The following ACSS3 variants were observed in gnomAD, a reference collection of about 807,000 sequenced individuals.
The protein encoded by ACSS3 is acyl-CoA synthetase short chain family member 3.
ACSS3 carries 64 observed loss-of-function variants against 84.2 expected under a neutral mutation model. The ratio of observed to expected loss-of-function variants is 0.76; its 90% CI spans 0.62 to 0.94. The LOEUF (loss-of-function observed/expected upper bound fraction) is 0.94, where lower values mean the gene tolerates loss of function less well. Among genes scored for constraint, ACSS3 ranks in the 40% least tolerant of loss-of-function variants. ACSS3 has a pLI of 0.00. For synonymous variants in ACSS3, 317 were observed against 310.1 expected (o/e 1.02, Z -0.23); for missense variants, 815 against 867.6 (o/e 0.94, Z 0.76).
At position 81,151,874 on chromosome 12, in the gene ACSS3, G is replaced by A. The variant is rs778736574; in HGVS notation, c.952G>A (p.Val318Ile). The change falls in exon 6 of 16, where the codon GTC (valine) becomes ATC (isoleucine). Residue 318 changes from valine (V) to isoleucine (I), a missense_variant. Transcript: ENST00000548058. ...GATTAGGCCCACTGGGGGATACGCT[G>A]TCATGCTACACTGGTCAATGTCTTC... ...GVIRPTGGYA[V>I]MLHWSMSSIY... is the part of the protein sequence containing the mutation. 1.5e-5 allele frequency: 25 copies of A among 1,613,782 alleles called. No homozygotes were observed. The highest frequency in any genetic ancestry group is 2.0e-5 in the Non-Finnish European group (24 of 1,179,822).
intron 5 of ACSS3, among the ~76,000 whole-genome samples, chr12:81,143,878 A>G (rs1886204808): frequency 6.6e-6 from 1 of 152,208 alleles, no homozygotes; most frequent in African/African-American, 2.4e-5. Flanking sequence ...TTGATGCGTC[A>G]AATAGCAACA....
chr12:81,249,108 A>C (rs2034075386), intron 13 of ACSS3, among the ~76,000 whole-genome samples: 1 of 152,016 alleles, frequency 6.6e-6, no homozygotes, highest in Admixed American at 6.6e-5. Context: ...AGTGTTGATT[A>C]GTTTTTGAAA....
In ACSS3 at chr12:81,143,147, A is replaced by T; in HGVS notation, c.821A>T (p.Asp274Val). The part of the protein sequence containing the change: ...PLAPGRDLDW[D>V]EEMAKAQSHD... Reference sequence around the variant, plus strand: ...GCTCCCGGTCGTGACCTTGATTGGGATGAAGAGATGGCAAAAGCCCAGTCA... The same window carrying T: ...GCTCCCGGTCGTGACCTTGATTGGGTTGAAGAGATGGCAAAAGCCCAGTCA... The change falls in exon 5 of 16, where the codon GAT becomes GTT. Residue 274 changes from aspartate (D) to valine (V), a missense_variant. By Grantham distance (152) the Asp-to-Val change is radical (BLOSUM62 -3). Coordinates refer to ENST00000548058, the MANE Select transcript of ACSS3 (RefSeq NM_024560.4). 6.2e-7 allele frequency: 1 copy of T among 1,613,810 alleles called. No individual in the cohort carries two copies. The highest frequency in any genetic ancestry group is 1.3e-5 in the African/African-American group (1 of 75,052).
chr12:81,251,904 C>G (rs913574338), intron 13 of ACSS3, among the ~76,000 whole-genome samples: 16 of 152,142 alleles, frequency 1.1e-4, no homozygotes, highest in African/African-American at 3.6e-4. Context: ...GATCTTGCAT[C>G]TCCTTCTCAA....
intron 1 of ACSS3, among the ~76,000 whole-genome samples, chr12:81,083,250 C>T (rs1335470227): frequency 1.3e-5 from 2 of 152,120 alleles, no homozygotes; most frequent in African/African-American, 2.4e-5. Flanking sequence ...GGCTGAAAGC[C>T]TGCAGGTAGG....
chr12:81,102,153 G>C (rs1319767098), intron 1 of ACSS3, among the ~76,000 whole-genome samples: 1 of 152,028 alleles, frequency 6.6e-6, no homozygotes, highest in Non-Finnish European at 1.5e-5. Context: ...ATCGGTAGTT[G>C]AGTGAAGTAC....
intron 4 of ACSS3, among the ~76,000 whole-genome samples, chr12:81,142,316 C>T (rs1452030923): frequency 6.6e-6 from 1 of 152,172 alleles, no homozygotes; most frequent in East Asian, 1.9e-4. Context: ...TTTTAATGGG[C>T]ATTAACTCTA....
intron 13 of ACSS3, among the ~76,000 whole-genome samples, chr12:81,244,059 A>T (rs983075559): frequency 1.1e-4 from 17 of 152,104 alleles, no homozygotes; most frequent in African/African-American, 3.6e-4. Context: ...TTTTGTCTAA[A>T]AAAGTCTTTA....
chr12:81,219,611 G>A (rs1215691296), intron 10 of ACSS3, among the ~76,000 whole-genome samples: 1 of 152,042 alleles, frequency 6.6e-6, no homozygotes, highest in Non-Finnish European at 1.5e-5. Context: ...GGTTTTTGGT[G>A]CTTGTAAGTA....
intron 13 of ACSS3, among the ~76,000 whole-genome samples, chr12:81,245,379 G>A (rs753933423): frequency 5.9e-5 from 9 of 152,306 alleles, no homozygotes; most frequent in South Asian, 2.1e-4. Context: ...GGAGAATGGC[G>A]TGAACCCGCA....
intron 2 of ACSS3, among the ~76,000 whole-genome samples, chr12:81,117,783 C>CTT (rs1565985012): frequency 1.3e-5 from 2 of 152,080 alleles, no homozygotes; most frequent in Admixed American, 1.3e-4. Context: ...ATCGGCACCC[C>CTT]ATAACATAAA....
intron 8 of ACSS3, among the ~76,000 whole-genome samples, chr12:81,194,745 A>G (rs2031745458): frequency 6.6e-6 from 1 of 152,012 alleles, no homozygotes; most frequent in Admixed American, 6.6e-5. Flanking sequence ...AAGTTTTAAA[A>G]TATATAATAG....
intron 8 of ACSS3, among the ~76,000 whole-genome samples, chr12:81,181,378 C>A (rs780107546): frequency 2.6e-5 from 4 of 152,088 alleles, no homozygotes; most frequent in Non-Finnish European, 5.9e-5. Flanking sequence ...TCCAGCCTGT[C>A]GTCAGGTGAA....
At chr12:81,151,167 C>T (rs1886593045) in intron 5 of ACSS3, among the ~76,000 whole-genome samples, 1 of 152,216 alleles carries the variant, frequency 6.6e-6, no homozygotes, top group Middle Eastern at 3.4e-3. Flanking sequence ...TTGGGGAGAG[C>T]TATTTGAAAC....
chr12:81,242,278 G>T (rs150030117), intron 13 of ACSS3, among the ~76,000 whole-genome samples: 1 of 152,148 alleles, frequency 6.6e-6, no homozygotes, highest in African/African-American at 2.4e-5. Flanking sequence ...TAAATTCCTC[G>T]ACACATACAC....
chr12:81,182,436 G>A (rs1244771211), intron 8 of ACSS3, among the ~76,000 whole-genome samples: 1 of 152,158 alleles, frequency 6.6e-6, no homozygotes, highest in Non-Finnish European at 1.5e-5. Context: ...TTACTAACAT[G>A]AATACATACA....
intron 3 of ACSS3, among the ~76,000 whole-genome samples, chr12:81,136,508 A>G (rs928279103): frequency 2.6e-5 from 4 of 152,150 alleles, no homozygotes; most frequent in African/African-American, 9.7e-5. Context: ...TCGGGTGGCC[A>G]AAGAAGGCTT....
At chr12:81,098,485 G>T (rs937648658) in intron 1 of ACSS3, among the ~76,000 whole-genome samples, 12 of 152,052 alleles carry the variant, frequency 7.9e-5, no homozygotes, top group Admixed American at 2.0e-4. Flanking sequence ...TAGTTTCCTT[G>T]TATGTCATTT....
intron 5 of ACSS3, among the ~76,000 whole-genome samples, chr12:81,147,171 A>G (rs1886380837): frequency 6.6e-6 from 1 of 152,216 alleles, no homozygotes; most frequent in South Asian, 2.1e-4. Flanking sequence ...CCATGGACAT[A>G]GCTTCAGAAT....
Sources: gnomAD v4.1 joint callset for allele counts (sites outside exome capture counted in the v4.1 genomes callset) on GRCh38, gnomAD v4.1.1 for gene constraint, MANE v1.5 for transcripts, NCBI Gene and HGNC (gene_info 2026-07-23, HGNC 2026-07-21) for gene names.